Variants in KCNQ1 observed in about 807,000 individuals in gnomAD.
KCNQ1 encodes the protein potassium voltage-gated channel subfamily Q member 1.
A neutral mutation model predicts 72.4 loss-of-function variants in KCNQ1; 49 were observed. The observed-to-expected ratio is 0.68, with a 90% CI of 0.54 to 0.86. The LOEUF (loss-of-function observed/expected upper bound fraction) is 0.86. KCNQ1 is among the 40% of genes least tolerant of loss of function. The probability of loss-of-function intolerance (pLI) is 0.00; values close to 1 mark genes in which losing one functional copy is unlikely to be tolerated. For missense variants in KCNQ1, 790 were observed against 945.1 expected (o/e 0.84, Z 2.15); for synonymous variants, 450 against 412.6 (o/e 1.09, Z -1.10).
In KCNQ1 at chr11:2,687,224, A is replaced by C. The variant is rs2283187; in HGVS notation, c.1514+25143A>C. The C allele has an allele frequency of 0.014, 5,770 of 398,476 alleles. 205 individuals carry two copies. Among genetic ancestry groups the C allele is most frequent in the East Asian group, 0.096 (2,703 of 28,054 alleles). 24.7% of individuals were successfully genotyped at this position (398,476 alleles called of 1,614,324 possible). A position where few individuals can be genotyped will look rare whatever the true frequency, so the allele number is the denominator to read the frequency against. On this transcript the variant is annotated intron_variant, in intron 11 of 15. Transcript: ENST00000155840. The surrounding 1 kb of genome is among the most constrained non-coding windows in gnomAD (Gnocchi z 5.0). ...GCATCACACTGTTGGGAAATGTGCA[A>C]TTTTCACTCAGCCAGCATCACTACC... is the stretch of plus-strand genomic sequence containing the variant.
intron 6 of KCNQ1, among the ~76,000 whole-genome samples, chr11:2,578,646 G>A (rs1285867057): frequency 6.6e-6 from 1 of 152,252 alleles, no homozygotes; most frequent in Non-Finnish European, 1.5e-5. Context: ...ACCTGGGAAT[G>A]GCTGTGGCCG....
intron 15 of KCNQ1, among the ~76,000 whole-genome samples, chr11:2,834,643 G>C (rs184607024): frequency 1.1e-3 from 168 of 152,336 alleles, no homozygotes; most frequent in African/African-American, 3.4e-3. Context: ...ATGGAGAAAG[G>C]ACAGGGGAGG....
chr11:2,702,343 C>T (rs941558411), intron 11 of KCNQ1, among the ~76,000 whole-genome samples: 1 of 152,198 alleles, frequency 6.6e-6, no homozygotes, highest in African/African-American at 2.4e-5. Context: ...CGCTCTTGGA[C>T]ACAGAGCTGT....
At position 2,446,160 on chromosome 11, in the gene KCNQ1, C is replaced by T. The variant is rs1465915821; in HGVS notation, c.386+676C>T. On this transcript the variant is annotated intron_variant, in intron 1 of 15. Coordinates refer to ENST00000155840, the MANE Select transcript of KCNQ1 (RefSeq NM_000218.3). This position sits in a 1 kb window ranked among gnomAD's most constrained non-coding sequence, Gnocchi z 8.8. The stretch of plus-strand genomic sequence containing the variant: ...AGCGCTGGTAGCAGAGGCACCTGGC[C>T]CCCCTGTTACCAGGTGGTTCCAATT... Among the ~76,000 whole-genome samples, 4 of 152,212 alleles carry T rather than the reference C, an allele frequency of 2.6e-5. No homozygotes were observed. Among genetic ancestry groups the T allele is most frequent in the Non-Finnish European group, 5.9e-5 (4 of 68,022 alleles).
chr11:2,501,247 G>T (rs369031818), intron 1 of KCNQ1, among the ~76,000 whole-genome samples: 86 of 148,912 alleles, frequency 5.8e-4, no homozygotes, highest in Admixed American at 8.0e-4. Flanking sequence ...TAAAAAGTTG[G>T]TTTTTTTTTT....
Position 2,508,058 on chromosome 11 carries a change from C to G in KCNQ1, c.387-19870C>G, listed in dbSNP as rs1847132783. Among the ~76,000 whole-genome samples the G allele has an allele frequency of 6.6e-6, 1 of 152,154 alleles. No individual in the cohort carries two copies. The highest frequency in any genetic ancestry group is 2.4e-5 in the African/African-American group (1 of 41,438). On this transcript the variant is annotated intron_variant, in intron 1 of 15. Transcript: ENST00000155840. The surrounding 1 kb of genome is among the most constrained non-coding windows in gnomAD (Gnocchi z 6.2). ...GCTGGGACCCTGCCCTGAAACCTCTCAGACACAAACACCCAGCTCGGCCCC... is the reference window on the plus strand; with the variant it reads ...GCTGGGACCCTGCCCTGAAACCTCTGAGACACAAACACCCAGCTCGGCCCC...
At position 2,593,764 on chromosome 11, in the gene KCNQ1, G is replaced by A. The variant is rs1239240505; in HGVS notation, c.1393+4910G>A. Among the ~76,000 whole-genome samples, 2 of 152,120 alleles carry A rather than the reference G, an allele frequency of 1.3e-5. No homozygotes were observed. Among genetic ancestry groups the A allele is most frequent in the African/African-American group, 2.4e-5 (1 of 41,410 alleles). On this transcript the variant is annotated intron_variant, in intron 10 of 15. Transcript: ENST00000155840. The surrounding 1 kb of genome is among the most constrained non-coding windows in gnomAD (Gnocchi z 6.9). ...CAGGCTGTAGCCTCCTCCTGCTCCC[G>A]GCTCCGCGTCCTCAGCCCAACACAC...
In KCNQ1 at chr11:2,654,554, A is replaced by T; in HGVS notation, c.1394-7407A>T. On this transcript the variant is annotated intron_variant, in intron 10 of 15. Coordinates refer to ENST00000155840, the MANE Select transcript of KCNQ1 (RefSeq NM_000218.3). This position sits in a 1 kb window ranked among gnomAD's most constrained non-coding sequence, Gnocchi z 6.4. ...GGGCTTGGGTTACACCTGGGAGATTAGGCCGGATTTTAATCAATCAGGAGG... is the reference window on the plus strand; with the variant it reads ...GGGCTTGGGTTACACCTGGGAGATTTGGCCGGATTTTAATCAATCAGGAGG... 2.5e-6 allele frequency: 1 copy of T among 398,634 alleles called. No individual in the cohort carries two copies. The highest frequency in any genetic ancestry group is 4.4e-6 in the Non-Finnish European group (1 of 226,140). The allele number at this position is 398,634 out of a possible 1,614,324, so 24.7% of individuals were successfully genotyped here.
At chr11:2,459,575 C>T (rs1301804360) in intron 1 of KCNQ1, among the ~76,000 whole-genome samples, 3 of 152,160 alleles carry the variant, frequency 2.0e-5, no homozygotes, top group Non-Finnish European at 2.9e-5. Context: ...ACTGGCAGTA[C>T]TGACTTCCTC....
At chr11:2,568,264 CTCTG>C (rs1234518091) in intron 2 of KCNQ1, among the ~76,000 whole-genome samples, 1 of 140,856 alleles carries the variant, frequency 7.1e-6, no homozygotes, top group Non-Finnish European at 1.5e-5. Flanking sequence ...CAGAGCGAGA[CTCTG>C]TCTCATAAAT....
intron 11 of KCNQ1, among the ~76,000 whole-genome samples, chr11:2,743,847 G>A (rs538680649): frequency 5.4e-4 from 83 of 152,354 alleles, no homozygotes; most frequent in African/African-American, 1.9e-3. Context: ...CACAGGCAGC[G>A]GGTTCTTCTG....
Position 2,462,351 on chromosome 11 carries a change from C to A in KCNQ1, c.386+16867C>A, listed in dbSNP as rs1197750628. Among the ~76,000 whole-genome samples, 1 of 152,198 alleles carries A rather than the reference C, an allele frequency of 6.6e-6. No homozygotes were observed. Among genetic ancestry groups the A allele is most frequent in the Non-Finnish European group, 1.5e-5 (1 of 68,026 alleles). The stretch of plus-strand genomic sequence containing the variant: ...ACCCCCTCTGACTTGCCTCCTCCTC[C>A]TTCTGACTTGCCTCCTCTCTCTGAC... On this transcript the variant is annotated intron_variant, in intron 1 of 15. Transcript: ENST00000155840. The surrounding 1 kb of genome is among the most constrained non-coding windows in gnomAD (Gnocchi z 8.2).
chr11:2,455,030 GTC>G (rs769058595), intron 1 of KCNQ1, among the ~76,000 whole-genome samples: 3 of 151,698 alleles, frequency 2.0e-5, no homozygotes, highest in Non-Finnish European at 4.4e-5. Flanking sequence ...ACCCTAAAGA[GTC>G]TGCCAAAAGC....
chr11:2,664,891 C>A lies in KCNQ1; in HGVS notation c.1514+2810C>A, dbSNP rs1044287775. On this transcript the variant is annotated intron_variant, in intron 11 of 15. Transcript: ENST00000155840. The surrounding 1 kb of genome is among the most constrained non-coding windows in gnomAD (Gnocchi z 5.1). ...CAAATTAAAAACATAAATAAAGACA[C>A]ATTTTGTTTCCATCTCGAGCTCTCC... is the stretch of plus-strand genomic sequence containing the variant. 1 of 398,534 alleles carries A rather than the reference C, an allele frequency of 2.5e-6. No individual in the cohort carries two copies. The highest frequency in any genetic ancestry group is 2.1e-5 in the African/African-American group (1 of 48,626). 24.7% of individuals were successfully genotyped at this position (398,534 alleles called of 1,614,324 possible).
intron 15 of KCNQ1, among the ~76,000 whole-genome samples, chr11:2,838,161 C>T (rs1275590378): frequency 6.6e-6 from 1 of 152,258 alleles, no homozygotes; most frequent in African/African-American, 2.4e-5. Context: ...CAAACACCAC[C>T]AGTAGGGACC....
intron 11 of KCNQ1, among the ~76,000 whole-genome samples, chr11:2,736,309 C>T (rs1056288862): frequency 2.0e-5 from 3 of 152,140 alleles, no homozygotes; most frequent in African/African-American, 4.8e-5. Flanking sequence ...GAGCTTGGGC[C>T]GTATCTGGGA....
intron 11 of KCNQ1, among the ~76,000 whole-genome samples, chr11:2,747,663 G>T (rs1846161866): frequency 1.3e-5 from 2 of 152,226 alleles, no homozygotes; most frequent in Non-Finnish European, 2.9e-5. Flanking sequence ...GATGGCTTTG[G>T]GGGTGGACAC....
rs1027313992 is a variant in KCNQ1, at chr11:2,484,891, T to C, written c.386+39407T>C. 2.0e-5 allele frequency among the ~76,000 whole-genome samples: 3 copies of C among 152,216 alleles called. No homozygotes were observed. Among genetic ancestry groups the C allele is most frequent in the Non-Finnish European group, 4.4e-5 (3 of 68,042 alleles). ...CAGTGGGGCCAATTCTCTCTCTTTG[T>C]TGTAACACCTTTCTTCAATAGTGAG... On this transcript the variant is annotated intron_variant, in intron 1 of 15. Transcript: ENST00000155840. The surrounding 1 kb of genome is among the most constrained non-coding windows in gnomAD (Gnocchi z 5.2).
rs1408429289 is a variant in KCNQ1 at position 2,657,432 on chromosome 11, G to A, written c.1394-4529G>A. 1.5e-5 allele frequency: 6 copies of A among 398,388 alleles called. No individual in the cohort carries two copies. Among genetic ancestry groups the A allele is most frequent in the Admixed American group, 1.3e-4 (3 of 22,710 alleles). 24.7% of individuals were successfully genotyped at this position (398,388 alleles called of 1,614,324 possible). A position where few individuals can be genotyped will look rare whatever the true frequency, so the allele number is the denominator to read the frequency against. On this transcript the variant is annotated intron_variant, in intron 10 of 15. Coordinates refer to ENST00000155840, the MANE Select transcript of KCNQ1 (RefSeq NM_000218.3). This position sits in a 1 kb window ranked among gnomAD's most constrained non-coding sequence, Gnocchi z 4.8. ...CAGAGTTCTTGCATATACTTAGTTA[G>A]ATAATTAATATTCTTTTGTGCTATT...
Sources: allele counts gnomAD v4.1 joint callset (sites outside exome capture counted in the v4.1 genomes callset), GRCh38; gene constraint gnomAD v4.1.1; non-coding constraint Gnocchi (gnomAD v3.1); transcripts MANE v1.5; gene names NCBI Gene and HGNC (gene_info 2026-07-23, HGNC 2026-07-21).